DAB2IP: variants seen among roughly 807,000 people sequenced by gnomAD.
The protein encoded by DAB2IP is disabled homolog 2-interacting protein.
DAB2IP carries 28 observed loss-of-function variants against 107.2 expected under a neutral mutation model. That is an observed-to-expected ratio of 0.26 (90% CI 0.19 to 0.36). The LOEUF (loss-of-function observed/expected upper bound fraction) is 0.36, where lower values mean the gene tolerates loss of function less well. Among genes scored for constraint, DAB2IP ranks in the 10% least tolerant of loss-of-function variants. The probability of loss-of-function intolerance (pLI) is 1.00; values close to 1 mark genes in which losing one functional copy is unlikely to be tolerated. For missense variants in DAB2IP, 1,400 were observed against 1,644.7 expected (o/e 0.85, Z 2.57); for synonymous variants, 755 against 706.4 (o/e 1.07, Z -1.09).
intron 1 of DAB2IP, among the ~76,000 whole-genome samples, chr9:121,665,036 A>G (rs1304613715): frequency 1.3e-5 from 2 of 152,246 alleles, no homozygotes; most frequent in Non-Finnish European, 2.9e-5. Context: ...CTTTGGAGAT[A>G]AGTTAAAATT....
intron 1 of DAB2IP, among the ~76,000 whole-genome samples, chr9:121,622,814 G>A (rs1009176843): frequency 1.3e-5 from 2 of 152,204 alleles, no homozygotes; most frequent in African/African-American, 4.8e-5. Flanking sequence ...TTATTTCACA[G>A]CCAGCTTGGG....
chr9:121,755,220 C>T (rs1049206077), intron 3 of DAB2IP, among the ~76,000 whole-genome samples: 3 of 152,150 alleles, frequency 2.0e-5, no homozygotes, highest in South Asian at 2.1e-4. Context: ...TCCAACACAG[C>T]GGTGTGGCGG....
chr9:121,576,454 C>T (rs1004900760), intron 1 of DAB2IP, among the ~76,000 whole-genome samples: 3 of 152,134 alleles, frequency 2.0e-5, no homozygotes, highest in Admixed American at 6.5e-5. Context: ...CAATCCTGCC[C>T]ATCCTGAAGT....
chr9:121,596,686 G>A (rs1011806924), intron 1 of DAB2IP, among the ~76,000 whole-genome samples: 2 of 151,982 alleles, frequency 1.3e-5, no homozygotes, highest in East Asian at 3.9e-4. Context: ...TTCTTCCTCT[G>A]ATAGGGATGG....
chr9:121,763,423 T>G, intron 6 of DAB2IP, 82 bp from the exon 7 acceptor site: 1 of 1,513,872 alleles, frequency 6.6e-7, no homozygotes, highest in Non-Finnish European at 8.8e-7. Flanking sequence ...ATGCCAGGAC[T>G]TCTCTGGCTA....
chr9:121,606,647 AT>A (rs908810044), intron 1 of DAB2IP, among the ~76,000 whole-genome samples: 7 of 150,952 alleles, frequency 4.6e-5, no homozygotes, highest in African/African-American at 1.5e-4. Context: ...CAGAGTGAGG[AT>A]TTTTTTTTCT....
At chr9:121,687,715 G>C (rs62572795) in intron 2 of DAB2IP, among the ~76,000 whole-genome samples, 1 of 152,096 alleles carries the variant, frequency 6.6e-6, no homozygotes, top group Non-Finnish European at 1.5e-5. Context: ...CTTACAACTC[G>C]AGGCTCAGAT....
In DAB2IP at chr9:121,681,052, TCTC is replaced by T. The variant is rs538679415; in HGVS notation, c.228+2272_228+2274del. Among the ~76,000 whole-genome samples, 353 of 152,162 alleles carry T rather than the reference TCTC, an allele frequency of 2.3e-3. 1 individual carries two copies. The highest frequency in any genetic ancestry group is 8.1e-3 in the African/African-American group (337 of 41,520). On this transcript the variant is annotated intron_variant, in intron 2 of 15. Transcript: ENST00000408936. ...GCCACCACGCCCAGCCTACCTGATC[TCTC>T]TTCATCCAGGAGACACACCTACAGC...
intron 1 of DAB2IP, among the ~76,000 whole-genome samples, chr9:121,655,709 G>A (rs922893695): frequency 3.3e-5 from 5 of 152,148 alleles, no homozygotes; most frequent in Non-Finnish European, 5.9e-5. Context: ...CCTGCCTCTT[G>A]GAATGCCTAT....
intron 2 of DAB2IP, among the ~76,000 whole-genome samples, chr9:121,685,917 CT>C (rs1352328696): frequency 3.3e-5 from 5 of 152,184 alleles, no homozygotes; most frequent in African/African-American, 1.2e-4. Flanking sequence ...GAGGAAGTGG[CT>C]GGAATGGAAG....
At chr9:121,623,821 G>A (rs1831554736) in intron 1 of DAB2IP, among the ~76,000 whole-genome samples, 1 of 152,116 alleles carries the variant, frequency 6.6e-6, no homozygotes, top group African/African-American at 2.4e-5. Flanking sequence ...CTTAGTAGCT[G>A]GGATTACAGG....
intron 1 of DAB2IP, among the ~76,000 whole-genome samples, chr9:121,581,742 G>A (rs1181392296): frequency 1.3e-5 from 2 of 152,182 alleles, no homozygotes; most frequent in Non-Finnish European, 2.9e-5. Flanking sequence ...GGCTGTGTGA[G>A]AGCTACAAGG....
rs1835782762 is a variant in DAB2IP at position 121,783,178 on chromosome 9, C to G, written c.*680C>G. On this transcript the variant is annotated 3_prime_UTR_variant, in exon 16 of 16. Transcript: ENST00000408936. Reference sequence around the variant, plus strand: ...CAGAGCACCACCTGCTACCTTCTTCCCTGCCTTAGTTGTATTGCCAGATAG... The same window carrying G: ...CAGAGCACCACCTGCTACCTTCTTCGCTGCCTTAGTTGTATTGCCAGATAG... 2.7e-6 allele frequency: 3 copies of G among 1,101,932 alleles called. No individual in the cohort carries two copies. The African/African-American group carries it at 4.8e-5, about 18-fold the overall frequency. 68.3% of individuals were successfully genotyped at this position (1,101,932 alleles called of 1,614,324 possible). A position where few individuals can be genotyped will look rare whatever the true frequency, so the allele number is the denominator to read the frequency against.
In DAB2IP at chr9:121,599,495, G is replaced by A. The variant is rs958486592; in HGVS notation, c.40+32267G>A. The stretch of plus-strand genomic sequence containing the variant: ...CTGTGGGCGGCTGGGCCTGCGATTG[G>A]CAGGGCTGGGCAGGCCGGGTGGCCG... On this transcript the variant is annotated intron_variant, in intron 1 of 16. Transcript: ENST00000259371. The surrounding 1 kb of genome is among the most constrained non-coding windows in gnomAD (Gnocchi z 6.9). Among the ~76,000 whole-genome samples, 1 of 151,974 alleles carries A rather than the reference G, an allele frequency of 6.6e-6. No individual in the cohort carries two copies. Among genetic ancestry groups the A allele is most frequent in the Non-Finnish European group, 1.5e-5 (1 of 67,946 alleles).
chr9:121,649,114 C>G (rs188695840), upstream of DAB2IP, among the ~76,000 whole-genome samples: 1 of 152,196 alleles, frequency 6.6e-6, no homozygotes, highest in African/African-American at 2.4e-5. Context: ...ACTCAGTACC[C>G]GGAGAGTACC....
intron 1 of DAB2IP, among the ~76,000 whole-genome samples, chr9:121,582,904 G>A (rs1333329694): frequency 1.3e-5 from 2 of 152,236 alleles, no homozygotes; most frequent in African/African-American, 4.8e-5. Flanking sequence ...CACAGTCACT[G>A]CAGGATGCAG....
intron 1 of DAB2IP, among the ~76,000 whole-genome samples, chr9:121,674,144 G>A (rs947803563): frequency 2.0e-5 from 3 of 152,212 alleles, no homozygotes; most frequent in Non-Finnish European, 4.4e-5. Context: ...CCAGAAGATA[G>A]GGTCATCCCG....
intron 1 of DAB2IP, among the ~76,000 whole-genome samples, chr9:121,671,025 C>G (rs28831685): frequency 1.3e-5 from 2 of 152,148 alleles, no homozygotes; most frequent in African/African-American, 4.8e-5. Flanking sequence ...GTGGCACACA[C>G]CTGTAGTCCC....
At chr9:121,601,196 A>G (rs1345209981) in intron 1 of DAB2IP, among the ~76,000 whole-genome samples, 1 of 152,168 alleles carries the variant, frequency 6.6e-6, no homozygotes, top group East Asian at 1.9e-4. Flanking sequence ...ACTATTGTAA[A>G]TGGCAAGGAA....
Sources: gnomAD v4.1 joint callset for allele counts (sites outside exome capture counted in the v4.1 genomes callset) on GRCh38, gnomAD v4.1.1 for gene constraint, Gnocchi (gnomAD v3.1) non-coding constraint, MANE v1.5 for transcripts, NCBI Gene and HGNC (gene_info 2026-07-23, HGNC 2026-07-21) for gene names.